Variants in AP3B1 observed in about 807,000 individuals in gnomAD.
AP3B1 encodes the protein AP-3 complex subunit beta-1.
AP3B1 carries 61 observed loss-of-function variants against 132.5 expected under a neutral mutation model. That is an observed-to-expected ratio of 0.46 (90% CI 0.37 to 0.57). The LOEUF (loss-of-function observed/expected upper bound fraction) is 0.57, where lower values mean the gene tolerates loss of function less well. Ranked by LOEUF, AP3B1 falls within the 20% of genes least tolerant of loss-of-function variation. The pLI is 0.00. For missense variants in AP3B1, 1,120 were observed against 1,289.4 expected, an observed-to-expected ratio of 0.87 and a Z score of 2.01; for synonymous variants, 388 against 438.3, an observed-to-expected ratio of 0.89 and a Z score of 1.43.
intron 1 of AP3B1, among the ~76,000 whole-genome samples, chr5:78,273,042 TAC>T (rs1748616231): frequency 6.6e-6 from 1 of 152,112 alleles, no homozygotes; most frequent in Admixed American, 6.5e-5. Flanking sequence ...TGTATGCATA[TAC>T]ATATACACAC....
At chr5:78,045,362 T>C (rs532506803) in intron 22 of AP3B1, among the ~76,000 whole-genome samples, 32 of 132,962 alleles carry the variant, frequency 2.4e-4, no homozygotes, top group Middle Eastern at 5.0e-3. Context: ...GTCTGGGTGA[T>C]GAAGCAAGGC....
intron 1 of AP3B1, among the ~76,000 whole-genome samples, chr5:78,268,023 A>G (rs964217689): frequency 6.6e-6 from 1 of 152,228 alleles, no homozygotes; most frequent in African/African-American, 2.4e-5. Flanking sequence ...ATTAAATGCA[A>G]TGGTGACCAG....
chr5:78,165,238 A>G (rs528266412), intron 12 of AP3B1, among the ~76,000 whole-genome samples: 5 of 152,318 alleles, frequency 3.3e-5, no homozygotes, highest in African/African-American at 1.2e-4. Flanking sequence ...AAAAATAGTC[A>G]TAGGTCAATA....
At chr5:78,047,502 T>C (rs182474727) in intron 22 of AP3B1, among the ~76,000 whole-genome samples, 1 of 152,372 alleles carries the variant, frequency 6.6e-6, no homozygotes, top group Non-Finnish European at 1.5e-5. Context: ...TGTCTTCTTT[T>C]GAGAAGTATC....
chr5:78,138,081 A>C (rs1471131384), intron 15 of AP3B1, among the ~76,000 whole-genome samples: 1 of 152,228 alleles, frequency 6.6e-6, no homozygotes, highest in African/African-American at 2.4e-5. Context: ...TATTTCAGTC[A>C]AAACAATTAT....
At chr5:78,030,820 G>C (rs1747545571) in intron 24 of AP3B1, among the ~76,000 whole-genome samples, 1 of 152,120 alleles carries the variant, frequency 6.6e-6, no homozygotes, top group Admixed American at 6.5e-5. Flanking sequence ...AGGATGACAA[G>C]TGTGTGCCAC....
At position 78,294,630 on chromosome 5, in the gene AP3B1, A is replaced by G; in HGVS notation, c.-51T>C. 1.2e-6 allele frequency: 2 copies of G among 1,612,056 alleles called. No individual in the cohort carries two copies. The highest frequency in any genetic ancestry group is 1.3e-5 in the African/African-American group (1 of 75,072). On this transcript the variant is annotated 5_prime_UTR_variant, in exon 1 of 27. Transcript: ENST00000255194. ...TTGGTCCTGCCGGGGGTTCTCTCCA[A>G]AAGGTTCCAGTCCAGAGGGCACGGA...
intron 21 of AP3B1, among the ~76,000 whole-genome samples, chr5:78,091,358 A>G (rs1750506876): frequency 6.6e-6 from 1 of 152,074 alleles, no homozygotes; most frequent in East Asian, 1.9e-4. Context: ...AACACTAAAC[A>G]AAATCTCAAC....
chr5:78,052,290 G>A (rs252797), intron 22 of AP3B1, among the ~76,000 whole-genome samples: 1 of 151,944 alleles, frequency 6.6e-6, no homozygotes, highest in African/African-American at 2.4e-5. Flanking sequence ...GTGGAAATAC[G>A]TGAACACATA....
chr5:78,101,316 A>C (rs1347311169), intron 20 of AP3B1: 3 of 457,684 alleles, frequency 6.6e-6, no homozygotes, highest in African/African-American at 6.0e-5. Context: ...CTTCTTGCTA[A>C]CATAAAAACG....
intron 17 of AP3B1, among the ~76,000 whole-genome samples, chr5:78,120,514 G>C (rs1315527070): frequency 6.6e-6 from 1 of 151,560 alleles, no homozygotes; most frequent in East Asian, 1.9e-4. Context: ...CAAGCAAATG[G>C]AAAACAAAAA....
intron 26 of AP3B1, among the ~76,000 whole-genome samples, chr5:78,004,133 C>T (rs1232296046): frequency 6.6e-6 from 1 of 152,180 alleles, no homozygotes; most frequent in African/African-American, 2.4e-5. Flanking sequence ...CTATATGACA[C>T]GTGTCTGAAT....
intron 26 of AP3B1, among the ~76,000 whole-genome samples, chr5:78,012,385 A>C (rs1019157391): frequency 5.9e-5 from 9 of 152,122 alleles, no homozygotes; most frequent in African/African-American, 2.2e-4. Context: ...TTTTTGTTTT[A>C]ATTGCTATTA....
intron 1 of AP3B1, among the ~76,000 whole-genome samples, chr5:78,268,629 T>TA (rs1748428383): frequency 6.6e-6 from 1 of 152,164 alleles, no homozygotes; most frequent in African/African-American, 2.4e-5. Flanking sequence ...GGCATAGTCT[T>TA]ACTCGTAAAC....
At chr5:78,251,664 A>T (rs1747641847) in intron 2 of AP3B1, among the ~76,000 whole-genome samples, 1 of 152,238 alleles carries the variant, frequency 6.6e-6, no homozygotes, top group Admixed American at 6.5e-5. Context: ...GCCAGAAAGG[A>T]ATCCCAGAGG....
At chr5:78,166,036 C>G (rs1224889252) in intron 11 of AP3B1, among the ~76,000 whole-genome samples, 2 of 151,658 alleles carry the variant, frequency 1.3e-5, no homozygotes, top group Non-Finnish European at 2.9e-5. Context: ...AGGAGAATTG[C>G]TGGAACCCAG....
intron 25 of AP3B1, among the ~76,000 whole-genome samples, chr5:78,016,450 G>A (rs543250027): frequency 7.9e-5 from 12 of 152,136 alleles, no homozygotes; most frequent in African/African-American, 2.6e-4. Context: ...TATTTGGATC[G>A]GTGATATAAG....
At chr5:78,108,359 G>A (rs1489889808) in intron 20 of AP3B1, among the ~76,000 whole-genome samples, 1 of 152,124 alleles carries the variant, frequency 6.6e-6, no homozygotes, top group Non-Finnish European at 1.5e-5. Flanking sequence ...TAGAAAATAG[G>A]TATATTCTGT....
intron 7 of AP3B1, among the ~76,000 whole-genome samples, chr5:78,195,796 G>C (rs1382412390): frequency 6.6e-6 from 1 of 151,876 alleles, no homozygotes; most frequent in Non-Finnish European, 1.5e-5. Flanking sequence ...CTCCAGCCTG[G>C]GCGACAAAGC....
Sources: allele counts gnomAD v4.1 joint callset (sites outside exome capture counted in the v4.1 genomes callset), GRCh38; gene constraint gnomAD v4.1.1; transcripts MANE v1.5; gene names NCBI Gene and HGNC (gene_info 2026-07-23, HGNC 2026-07-21).